ETS1: variants seen among roughly 807,000 people sequenced by gnomAD.
ETS1 encodes ETS proto-oncogene 1, transcription factor, also known as protein C-ets-1.
In ETS1, 15 loss-of-function variants were observed where a neutral mutation model predicts 58.6. The observed-to-expected ratio is 0.26, with a 90% CI of 0.17 to 0.39. The LOEUF is 0.39. Among genes scored for constraint, ETS1 ranks in the 10% least tolerant of loss-of-function variants. The pLI is 1.00. For synonymous variants in ETS1, 214 were observed against 218.2 expected, an observed-to-expected ratio of 0.98 and a Z score of 0.17; for missense variants, 417 against 610.5, an observed-to-expected ratio of 0.68 and a Z score of 3.34.
At chr11:128,556,561 CA>C in intron 2 of ETS1, 126 bp from the exon 3 acceptor site, 1 of 574,292 alleles carries the variant, frequency 1.7e-6, no homozygotes, top group Non-Finnish European at 2.9e-6. Flanking sequence ...GATGACAGAA[CA>C]GAGCCAACTC....
intron 8 of ETS1, among the ~76,000 whole-genome samples, chr11:128,476,361 A>G (rs1165207784): frequency 6.6e-6 from 1 of 152,276 alleles, no homozygotes; most frequent in African/African-American, 2.4e-5. Context: ...TAATCAGTCT[A>G]GGCAGGCAAC....
At chr11:128,523,654 G>A (rs1863745216) in intron 3 of ETS1, among the ~76,000 whole-genome samples, 1 of 152,184 alleles carries the variant, frequency 6.6e-6, no homozygotes, top group Non-Finnish European at 1.5e-5. Flanking sequence ...AGCAAATCGG[G>A]GAGGAAGCCA....
intron 3 of ETS1, among the ~76,000 whole-genome samples, chr11:128,538,319 G>A (rs899289962): frequency 6.6e-6 from 1 of 152,146 alleles, no homozygotes; most frequent in Non-Finnish European, 1.5e-5. Flanking sequence ...AAGGGGGGGC[G>A]TTAACCTTCC....
chr11:128,494,014 CTATTA>C (rs752190140), intron 3 of ETS1, among the ~76,000 whole-genome samples: 8 of 152,180 alleles, frequency 5.3e-5, no homozygotes, highest in Non-Finnish European at 8.8e-5. Context: ...ACTTCATCAC[CTATTA>C]TAATATTTTT....
chr11:128,576,473 C>CA (rs5795623), intron 1 of ETS1, among the ~76,000 whole-genome samples: 133,719 of 152,190 alleles, frequency 0.88, 59,038 homozygotes, highest in African/African-American at 0.96. Context: ...TGCATAAATA[C>CA]AAGCAATTGT....
At chr11:128,522,947 T>C (rs1321677890) in intron 3 of ETS1, among the ~76,000 whole-genome samples, 1 of 152,228 alleles carries the variant, frequency 6.6e-6, no homozygotes, top group Non-Finnish European at 1.5e-5. Context: ...ACCCATGTAA[T>C]GCTCCTGCGT....
At chr11:128,466,817 G>C (rs894988735) in intron 8 of ETS1, among the ~76,000 whole-genome samples, 3 of 151,980 alleles carry the variant, frequency 2.0e-5, no homozygotes, top group African/African-American at 4.8e-5. Context: ...GGATAGATAG[G>C]AAAAGCAGAT....
At chr11:128,545,002 C>T (rs569945143) in intron 3 of ETS1, among the ~76,000 whole-genome samples, 1 of 121,192 alleles carries the variant, frequency 8.3e-6, no homozygotes, top group Non-Finnish European at 1.7e-5. Context: ...TGTCTGCTCA[C>T]GGAGCTGGCT....
chr11:128,498,504 T>C (rs1178548351), intron 3 of ETS1, among the ~76,000 whole-genome samples: 3 of 152,246 alleles, frequency 2.0e-5, no homozygotes, highest in Non-Finnish European at 1.5e-5. Context: ...GCATCTAAAA[T>C]ATGTTTGCCG....
chr11:128,539,310 G>A (rs189733776), intron 3 of ETS1, among the ~76,000 whole-genome samples: 3 of 152,172 alleles, frequency 2.0e-5, no homozygotes, highest in Admixed American at 6.5e-5. Context: ...GCCCGATAAG[G>A]GCTTGTATTC....
At chr11:128,483,230 G>A (rs2135447370) in intron 7 of ETS1, among the ~76,000 whole-genome samples, 1 of 152,336 alleles carries the variant, frequency 6.6e-6, no homozygotes, top group East Asian at 1.9e-4. Context: ...TTGGTCCACA[G>A]TCATTAGTTT....
In ETS1 at chr11:128,463,875, G is replaced by A. The variant is rs905519819; in HGVS notation, c.1124-248C>T. On this transcript the variant is annotated intron_variant, in intron 8 of 9. Transcript: ENST00000392668. This position sits in a 1 kb window ranked among gnomAD's most constrained non-coding sequence, Gnocchi z 4.1. ...AAGTGCTTTATTTTGATTAACTTAAGGATCGGTTCATTTTTATTGCTAAAC... is the reference window on the plus strand; with the variant it reads ...AAGTGCTTTATTTTGATTAACTTAAAGATCGGTTCATTTTTATTGCTAAAC... 7.2e-6 allele frequency: 2 copies of A among 276,440 alleles called. No individual in the cohort carries two copies. Among genetic ancestry groups the A allele is most frequent in the Non-Finnish European group, 1.4e-5 (2 of 145,434 alleles). 17.1% of individuals were successfully genotyped at this position (276,440 alleles called of 1,614,324 possible).
chr11:128,542,927 C>T (rs979892797), intron 3 of ETS1, among the ~76,000 whole-genome samples: 2 of 152,106 alleles, frequency 1.3e-5, no homozygotes, highest in Admixed American at 6.5e-5. Flanking sequence ...AATCCCAGCA[C>T]TTTGGGAGGC....
At chr11:128,465,677 A>G (rs1862014275) in intron 8 of ETS1, among the ~76,000 whole-genome samples, 1 of 152,222 alleles carries the variant, frequency 6.6e-6, no homozygotes, top group Non-Finnish European at 1.5e-5. Flanking sequence ...AAGCTATGTA[A>G]AAGAAGCCTC....
chr11:128,559,605 A>G (rs1447396511), intron 2 of ETS1, among the ~76,000 whole-genome samples: 1 of 152,228 alleles, frequency 6.6e-6, no homozygotes, highest in Non-Finnish European at 1.5e-5. Context: ...ATGTACAAAA[A>G]CTACCATTAA....
intron 2 of ETS1, among the ~76,000 whole-genome samples, chr11:128,568,307 C>T (rs1864547584): frequency 6.6e-6 from 1 of 152,176 alleles, no homozygotes; most frequent in Non-Finnish European, 1.5e-5. Context: ...GCCCAGCCCG[C>T]TCATTCCCGC....
rs760141484 is a variant in ETS1 at position 128,480,394 on chromosome 11, C to T, written c.920G>A (p.Arg307His). 3.0e-5 allele frequency: 48 copies of T among 1,613,596 alleles called. No individual in the cohort carries two copies. The highest frequency in any genetic ancestry group is 3.0e-4 in the South Asian group (27 of 91,058). Residue 307 changes from arginine (R) to histidine (H), a missense_variant, in exon 8 of 10, where the codon CGC becomes CAC. Around this residue, in one of 4 missense-constraint regions of ETS1, gnomAD observed 139 missense variants for 152.1 expected, o/e 0.91. Coordinates refer to ENST00000392668, the MANE Select transcript of ETS1 (RefSeq NM_001143820.2). The stretch of plus-strand genomic sequence containing the variant: ...CTGGCTGCTCCAGGACTGGGTGAGG[C>T]GATCACAACTATCGTAGCTCTCTAT... ...ESIESYDSCD[R>H]LTQSWSSQSS...
chr11:128,465,398 T>C (rs940751197), intron 8 of ETS1, among the ~76,000 whole-genome samples: 4 of 152,210 alleles, frequency 2.6e-5, no homozygotes, highest in Admixed American at 6.5e-5. Context: ...AAAAACCGTT[T>C]CGTATTCAAC....
chr11:128,480,120 G>C, intron 8 of ETS1, 71 bp downstream of exon 8: 3 of 1,580,326 alleles, frequency 1.9e-6, no homozygotes, highest in South Asian at 1.1e-5. Flanking sequence ...CAGAGGTGCA[G>C]AGTGCCTTCC....
Sources: gnomAD v4.1 joint callset for allele counts (sites outside exome capture counted in the v4.1 genomes callset) on GRCh38, gnomAD v4.1.1 for gene constraint, gnomAD v4.1.1 regional missense constraint, Gnocchi (gnomAD v3.1) non-coding constraint, MANE v1.5 for transcripts, NCBI Gene and HGNC (gene_info 2026-07-23, HGNC 2026-07-21) for gene names.